DPYD: variants seen among roughly 807,000 people sequenced by gnomAD.
DPYD encodes the protein dihydropyrimidine dehydrogenase, also known as dihydropyrimidine dehydrogenase [NADP(+)].
In DPYD, 109 loss-of-function variants were observed where a neutral mutation model predicts 116.2. The observed-to-expected ratio is 0.94, with a 90% confidence interval of 0.80 to 1.10. DPYD has a LOEUF of 1.10. DPYD is among the 50% of genes least tolerant of loss of function. The pLI, the probability that DPYD is intolerant of heterozygous loss-of-function variation, is 0.00. For synonymous variants in DPYD, 440 were observed against 432.0 expected (o/e 1.02, Z -0.23); for missense variants, 1,302 against 1,254.5 (o/e 1.04, Z -0.57).
At chr1:97,336,412 G>T (rs1023484691) in intron 16 of DPYD, among the ~76,000 whole-genome samples, 1 of 152,172 alleles carries the variant, frequency 6.6e-6, no homozygotes. Context: ...TTCTCAATAA[G>T]TGTTTGTAGA....
At position 97,305,301 on chromosome 1, in the gene DPYD, C is replaced by G. The variant is rs1167692592; in HGVS notation, c.2257G>C (p.Ala753Pro). Residue 753 changes from alanine (A) to proline (P), a missense_variant, in exon 18 of 23, where the codon GCA becomes CCA. Coordinates refer to ENST00000370192, the MANE Select transcript of DPYD (RefSeq NM_000110.4). ...GTAGTTCGCTTTGCAATCCCCACTG[C>G]TGGCCAAGGTGTGCCATCAGATTTT... ...GLKSDGTPWP[A>P]VGIAKRTTYG... The G allele has an allele frequency of 2.5e-6, 4 of 1,612,478 alleles. No homozygotes were observed. The highest frequency in any genetic ancestry group is 3.4e-6 in the Non-Finnish European group (4 of 1,178,966).
chr1:97,712,381 A>G (rs568636972), intron 5 of DPYD, among the ~76,000 whole-genome samples: 1 of 152,002 alleles, frequency 6.6e-6, no homozygotes, highest in African/African-American at 2.4e-5. Flanking sequence ...TTATAGTGTA[A>G]ATTTACAGTC....
At chr1:97,732,411 GT>G (rs1391586901) in intron 4 of DPYD, among the ~76,000 whole-genome samples, 17 of 147,826 alleles carry the variant, frequency 1.2e-4, no homozygotes, top group Non-Finnish European at 2.4e-4. Flanking sequence ...GGAGGAGGAG[GT>G]TTCAGTGAGC....
intron 18 of DPYD, among the ~76,000 whole-genome samples, chr1:97,266,881 A>G (rs1398658951): frequency 6.6e-6 from 1 of 152,136 alleles, no homozygotes; most frequent in Non-Finnish European, 1.5e-5. Flanking sequence ...ATAGCTGCAT[A>G]GTATTCCACG....
intron 12 of DPYD, among the ~76,000 whole-genome samples, chr1:97,520,949 T>G (rs189877298): frequency 6.6e-6 from 1 of 152,166 alleles, no homozygotes; most frequent in African/African-American, 2.4e-5. Context: ...TGTGCATATC[T>G]CTTTATAGTA....
At position 97,573,946 on chromosome 1, in the gene DPYD, A is replaced by T. The variant is rs2102184704; in HGVS notation, c.1153T>A (p.Cys385Ser). The T allele has an allele frequency of 6.2e-7, 1 of 1,613,534 alleles. No individual in the cohort carries two copies. The highest frequency in any genetic ancestry group is 8.5e-7 in the Non-Finnish European group (1 of 1,179,576). Residue 385 changes from cysteine (C) to serine (S), a missense_variant, in exon 11 of 23, where the codon TGT becomes AGT. Cys to Ser is a moderately radical substitution (Grantham distance 112). Transcript: ENST00000370192. ...EEMELAKEEKCEFLPFLSPRK... is the reference protein window; with the variant it reads ...EEMELAKEEKSEFLPFLSPRK... ...GGGGACAGGAATGGCAGAAATTCAC[A>T]CTTTTCTTCCTTAGCAAGTTCCATC... is the stretch of plus-strand genomic sequence containing the variant.
chr1:97,779,782 T>C (rs1666631110), intron 3 of DPYD, among the ~76,000 whole-genome samples: 1 of 152,096 alleles, frequency 6.6e-6, no homozygotes, highest in South Asian at 2.1e-4. Context: ...GGCCTGGTAG[T>C]ACCATTTACT....
At chr1:97,624,662 C>A (rs1399169688) in intron 8 of DPYD, among the ~76,000 whole-genome samples, 1 of 151,888 alleles carries the variant, frequency 6.6e-6, no homozygotes, top group Non-Finnish European at 1.5e-5. Flanking sequence ...CATGTCTGCA[C>A]CCCCATGTTT....
At chr1:97,375,029 C>CAA (rs35693384) in intron 15 of DPYD, among the ~76,000 whole-genome samples, 20,920 of 115,542 alleles carry the variant, frequency 0.18, 2,323 homozygotes, top group East Asian at 0.46. Flanking sequence ...ACTCCAGTTC[C>CAA]AAAAAAAAAA....
rs1664847176 is a variant in DPYD, at chr1:97,751,014, T to C, written c.234-10535A>G. 2.0e-5 allele frequency among the ~76,000 whole-genome samples: 3 copies of C among 152,256 alleles called. No homozygotes were observed. The South Asian group carries it at 6.2e-4, about 32-fold the overall frequency. ...CAATGCAAGTGCTGGAGGCACTCAT[T>C]CATTAAGCTGAAACAATAGTGAAAA... On this transcript the variant is annotated intron_variant, in intron 3 of 22. Transcript: ENST00000370192.
intron 19 of DPYD, among the ~76,000 whole-genome samples, chr1:97,196,659 G>T (rs1339583240): frequency 6.6e-6 from 1 of 152,092 alleles, no homozygotes; most frequent in East Asian, 1.9e-4. Flanking sequence ...AACCCTAAAA[G>T]ATAGGTTTAA....
At chr1:97,569,720 G>A (rs934306056) in intron 11 of DPYD, among the ~76,000 whole-genome samples, 13 of 151,844 alleles carry the variant, frequency 8.6e-5, no homozygotes, top group African/African-American at 2.4e-4. Flanking sequence ...TAAGGCTGAC[G>A]TTATATCAAT....
intron 13 of DPYD, among the ~76,000 whole-genome samples, chr1:97,493,850 T>C (rs1434944770): frequency 1.3e-5 from 2 of 152,202 alleles, no homozygotes; most frequent in Non-Finnish European, 2.9e-5. Flanking sequence ...TCGATTTCTA[T>C]AATGTGATAA....
At chr1:97,837,621 C>T (rs1490955380) in intron 2 of DPYD, among the ~76,000 whole-genome samples, 2 of 152,024 alleles carry the variant, frequency 1.3e-5, no homozygotes, top group Non-Finnish European at 2.9e-5. Flanking sequence ...AAACACCAGA[C>T]AGTTATTTCA....
intron 14 of DPYD, among the ~76,000 whole-genome samples, chr1:97,403,959 T>C (rs955274701): frequency 2.0e-5 from 3 of 152,030 alleles, no homozygotes; most frequent in Non-Finnish European, 4.4e-5. Flanking sequence ...GTACTACTTT[T>C]GTAGCACCTC....
intron 21 of DPYD, among the ~76,000 whole-genome samples, chr1:97,083,034 C>T (rs1557852409): frequency 6.6e-6 from 1 of 152,034 alleles, no homozygotes; most frequent in Admixed American, 6.6e-5. Flanking sequence ...TTATGTTAAT[C>T]GCTTAGGTTG....
chr1:97,451,114 C>T (rs781661752), intron 13 of DPYD, among the ~76,000 whole-genome samples: 29 of 152,038 alleles, frequency 1.9e-4, no homozygotes, highest in Non-Finnish European at 3.8e-4. Context: ...ATAACATGAA[C>T]CCCCATTAGT....
At chr1:97,542,337 C>A (rs560240106) in intron 12 of DPYD, among the ~76,000 whole-genome samples, 1 of 152,242 alleles carries the variant, frequency 6.6e-6, no homozygotes, top group East Asian at 1.9e-4. Context: ...GTACTCCCTC[C>A]TCTGTATAGA....
At chr1:97,832,530 T>A (rs1669588226) in intron 2 of DPYD, among the ~76,000 whole-genome samples, 1 of 152,150 alleles carries the variant, frequency 6.6e-6, no homozygotes, top group Admixed American at 6.5e-5. Flanking sequence ...TGGAATCCAA[T>A]ATACACATTT....
Sources: allele counts gnomAD v4.1 joint callset (sites outside exome capture counted in the v4.1 genomes callset), GRCh38; gene constraint gnomAD v4.1.1; transcripts MANE v1.5; gene names NCBI Gene and HGNC (gene_info 2026-07-23, HGNC 2026-07-21).